Variants in CPQ observed in about 807,000 individuals in gnomAD.
The protein encoded by CPQ is carboxypeptidase Q.
Under a neutral mutation model 45.7 loss-of-function variants are expected in CPQ, and 37 were observed. The observed-to-expected ratio is 0.81, with a 90% confidence interval of 0.62 to 1.07. The LOEUF (loss-of-function observed/expected upper bound fraction) is 1.07, where lower values mean the gene tolerates loss of function less well. Ranked by LOEUF, CPQ falls within the 50% of genes least tolerant of loss-of-function variation. The probability of loss-of-function intolerance (pLI) is 0.00; values close to 1 mark genes in which losing one functional copy is unlikely to be tolerated. For missense variants in CPQ, 537 were observed against 572.9 expected (o/e 0.94, Z 0.64); for synonymous variants, 186 against 205.8 (o/e 0.90, Z 0.82).
intron 2 of CPQ, among the ~76,000 whole-genome samples, chr8:96,829,370 C>G (rs1047435649): frequency 6.6e-6 from 1 of 152,040 alleles, no homozygotes; most frequent in African/African-American, 2.4e-5. Context: ...CACTTTGCCC[C>G]TTGTTCCTCT....
intron 2 of CPQ, 22 bp downstream of exon 2, chr8:96,785,352 T>C: frequency 6.5e-7 from 1 of 1,546,474 alleles, no homozygotes; most frequent in South Asian, 1.2e-5. Flanking sequence ...CTTTTCAGTT[T>C]GATTTGTATT....
chr8:97,034,925 C>T (rs1231240428), intron 6 of CPQ, among the ~76,000 whole-genome samples: 2 of 148,534 alleles, frequency 1.3e-5, no homozygotes, highest in Non-Finnish European at 3.0e-5. Flanking sequence ...GAGTCGTGCT[C>T]TGTCCCCCAG....
intron 7 of CPQ, chr8:97,093,056 CAT>C (rs1444765363): frequency 3.3e-5 from 5 of 152,216 alleles, no homozygotes; most frequent in South Asian, 2.1e-4. Context: ...AGCCAACAAA[CAT>C]ATGAAAAAAT....
Position 96,879,832 on chromosome 8 carries a change from G to A in CPQ, c.676G>A (p.Val226Met), listed in dbSNP as rs564531366. 80 of 1,614,044 alleles carry A rather than the reference G, an allele frequency of 5.0e-5. 2 individuals are homozygous for A. Among genetic ancestry groups the A allele is most frequent in the South Asian group, 3.5e-4 (32 of 91,080 alleles). Residue 226 changes from valine to methionine, a missense_variant, in exon 4 of 8, where the codon GTG becomes ATG. Coordinates refer to ENST00000220763, the MANE Select transcript of CPQ (RefSeq NM_016134.4). ...HTGIQEYQDGVPKIPTACITV... is the reference protein window; with the variant it reads ...HTGIQEYQDGMPKIPTACITV... The stretch of plus-strand genomic sequence containing the variant: ...AGGTATTCAGGAATACCAGGATGGC[G>A]TGCCCAAGATTCCAACAGCCTGTAT...
In CPQ at chr8:96,983,281, T is replaced by G. The variant is rs1186166102; in HGVS notation, c.961+17235T>G. Among the ~76,000 whole-genome samples, 3 of 152,218 alleles carry G rather than the reference T, an allele frequency of 2.0e-5. No homozygotes were observed. In the East Asian group the frequency reaches 5.8e-4, roughly 29 times the overall value. ...TATTTAGTCTATTAATTTTCAGTCT[T>G]TCTTATTTTCTAATGTATACACTTA... On this transcript the variant is annotated intron_variant, in intron 5 of 7. Coordinates refer to ENST00000220763, the MANE Select transcript of CPQ (RefSeq NM_016134.4).
rs567971140 is a variant in CPQ, at chr8:96,955,233, C to A, written c.850-10702C>A. Among the ~76,000 whole-genome samples the A allele has an allele frequency of 7.6e-4, 115 of 152,232 alleles. 1 individual carries two copies. Among genetic ancestry groups the A allele is most frequent in the African/African-American group, 2.6e-3 (110 of 41,550 alleles). Reference sequence around the variant, plus strand: ...CCACCAACAGTGTAAAAGTGTTCCTCTTTCTCCACATCCTCTCCAGAACCT... The same window carrying A: ...CCACCAACAGTGTAAAAGTGTTCCTATTTCTCCACATCCTCTCCAGAACCT... On this transcript the variant is annotated intron_variant, in intron 4 of 7. Coordinates refer to ENST00000220763, the MANE Select transcript of CPQ (RefSeq NM_016134.4).
rs192007424 is a variant in CPQ, at chr8:96,756,235, T to G, written c.-34-28629T>G. ...TAACTTTTGTAATTTTTAAAAATAC[T>G]TAAGCTTCAACTTCTTGATTCATCA... is the stretch of plus-strand genomic sequence containing the variant. On this transcript the variant is annotated intron_variant, in intron 1 of 7. Coordinates refer to ENST00000220763, the MANE Select transcript of CPQ (RefSeq NM_016134.4). 2.6e-5 allele frequency among the ~76,000 whole-genome samples: 4 copies of G among 152,258 alleles called. No individual in the cohort carries two copies. In the East Asian group the frequency reaches 7.7e-4, roughly 29 times the overall value.
At position 96,786,714 on chromosome 8, in the gene CPQ, T is replaced by G. The variant is rs553186833; in HGVS notation, c.433+1384T>G. On this transcript the variant is annotated intron_variant, in intron 2 of 7. Transcript: ENST00000220763. ...TATCTGTCTTCTTGGTTATAGCTAT[T>G]CTAGTGGGTGTGGAGTGGTATCTCA... is the stretch of plus-strand genomic sequence containing the variant. Among the ~76,000 whole-genome samples, 3 of 152,282 alleles carry G rather than the reference T, an allele frequency of 2.0e-5. No homozygotes were observed. The East Asian group carries it at 5.8e-4, about 29-fold the overall frequency.
At chr8:96,673,181 C>CAAGGAAAG (rs1809030006) in intron 1 of CPQ, among the ~76,000 whole-genome samples, 1 of 152,110 alleles carries the variant, frequency 6.6e-6, no homozygotes, top group Non-Finnish European at 1.5e-5. Flanking sequence ...ACACACAAAG[C>CAAGGAAAG]AATGAAAGAA....
intron 3 of CPQ, among the ~76,000 whole-genome samples, chr8:96,837,780 A>C (rs1011276099): frequency 6.6e-6 from 1 of 152,002 alleles, no homozygotes; most frequent in Non-Finnish European, 1.5e-5. Context: ...ATTTTTTTCA[A>C]AATTGACCTC....
At chr8:96,945,812 C>T (rs192350776) in intron 4 of CPQ, among the ~76,000 whole-genome samples, 2 of 152,302 alleles carry the variant, frequency 1.3e-5, no homozygotes, top group East Asian at 3.9e-4. Context: ...CTGGTTTCTT[C>T]CTGCTCCTAA....
intron 1 of CPQ, among the ~76,000 whole-genome samples, chr8:96,670,060 G>T (rs561298935): frequency 6.6e-6 from 1 of 152,278 alleles, no homozygotes; most frequent in East Asian, 1.9e-4. Context: ...TCTGAACAAA[G>T]CTTATCGCAC....
intron 5 of CPQ, among the ~76,000 whole-genome samples, chr8:97,024,370 T>A (rs1345094969): frequency 6.6e-6 from 1 of 151,998 alleles, no homozygotes. Context: ...TCGGGGTGGC[T>A]CAAAAGGTAG....
chr8:96,788,092 T>G (rs1350539052), intron 2 of CPQ, among the ~76,000 whole-genome samples: 1 of 151,526 alleles, frequency 6.6e-6, no homozygotes, highest in African/African-American at 2.4e-5. Flanking sequence ...CTTTTTTTTT[T>G]ATTTTCAGCA....
chr8:96,672,416 G>T (rs538557586), intron 1 of CPQ, among the ~76,000 whole-genome samples: 8 of 152,266 alleles, frequency 5.3e-5, no homozygotes, highest in Admixed American at 4.6e-4. Flanking sequence ...ACTGGAAATT[G>T]AGACAATGAG....
chr8:97,110,190 T>A (rs995600305), intron 7 of CPQ, among the ~76,000 whole-genome samples: 7 of 152,194 alleles, frequency 4.6e-5, no homozygotes, highest in Admixed American at 3.9e-4. Flanking sequence ...AGATATTAGT[T>A]TTTCCTGTGC....
intron 7 of CPQ, among the ~76,000 whole-genome samples, chr8:97,128,604 G>C (rs925351481): frequency 2.6e-5 from 4 of 152,224 alleles, no homozygotes; most frequent in African/African-American, 9.6e-5. Context: ...AGAATCGCTT[G>C]AACCTGGGAG....
In CPQ at chr8:97,054,032, T is replaced by C. The variant is rs146450957; in HGVS notation, c.1054-11977T>C. Reference sequence around the variant, plus strand: ...GGGGAAAAGGGGGAGATAAGGAGTATGGGTTTGAACCTGTTAAGTTTGAGA... The same window carrying C: ...GGGGAAAAGGGGGAGATAAGGAGTACGGGTTTGAACCTGTTAAGTTTGAGA... On this transcript the variant is annotated intron_variant, in intron 6 of 7. Coordinates refer to ENST00000220763, the MANE Select transcript of CPQ (RefSeq NM_016134.4). 3.5e-3 allele frequency among the ~76,000 whole-genome samples: 533 copies of C among 152,100 alleles called. 4 individuals are homozygous for C. The highest frequency in any genetic ancestry group is 0.012 in the African/African-American group (513 of 41,474).
chr8:96,681,985 A>G (rs901310282), intron 1 of CPQ, among the ~76,000 whole-genome samples: 2 of 152,212 alleles, frequency 1.3e-5, no homozygotes, highest in African/African-American at 4.8e-5. Flanking sequence ...CATTGTATCT[A>G]GGAAGTAACT....
Sources: gnomAD v4.1 joint callset for allele counts (sites outside exome capture counted in the v4.1 genomes callset) on GRCh38, gnomAD v4.1.1 for gene constraint, MANE v1.5 for transcripts, NCBI Gene and HGNC (gene_info 2026-07-23, HGNC 2026-07-21) for gene names.